TEX11: variants seen among roughly 807,000 people sequenced by gnomAD.
TEX11 encodes testis expressed 11.
In TEX11, 7 loss-of-function variants were observed where a neutral mutation model predicts 84.4. The observed-to-expected ratio is 0.08, with a 90% CI of 0.05 to 0.16. The LOEUF (loss-of-function observed/expected upper bound fraction) is 0.16, where lower values mean the gene tolerates loss of function less well. Among genes scored for constraint, TEX11 ranks in the 10% least tolerant of loss-of-function variants. TEX11 has a pLI of 1.00. For missense variants in TEX11, 551 were observed against 660.5 expected (o/e 0.83, Z 1.82); for synonymous variants, 264 against 222.8 (o/e 1.18, Z -1.64).
At chrX:70,889,296 A>T (rs1439718744) in intron 2 of TEX11, among the ~76,000 whole-genome samples, 1 of 109,862 alleles carries the variant, frequency 9.1e-6, no homozygotes, top group Non-Finnish European at 1.9e-5. Flanking sequence ...AGACATCTGT[A>T]ATCCCAGCTA....
chrX:70,842,118 C>G (rs1391077705), intron 7 of TEX11, among the ~76,000 whole-genome samples: 3 of 110,964 alleles, frequency 2.7e-5, no homozygotes, highest in East Asian at 2.8e-4. Flanking sequence ...GGAATCCTCC[C>G]TAACTCATTT....
In TEX11 at chrX:70,651,651, A is replaced by T. The variant is rs770882343; in HGVS notation, c.1381-99T>A. 4 of 534,593 alleles carry T rather than the reference A, an allele frequency of 7.5e-6. No homozygotes were observed. The South Asian group carries it at 1.5e-4, about 20-fold the overall frequency. 44.1% of individuals were successfully genotyped at this position (534,593 alleles called of 1,213,427 possible). On this transcript the variant is annotated intron_variant, in intron 16 of 29. Transcript: ENST00000374333. ...AAGGTAGTCAAAATGGCTGAGGGAT[A>T]CTCACAATGAAAATATATGAATCTA...
At chrX:70,696,813 T>A (rs1376592632) in intron 13 of TEX11, among the ~76,000 whole-genome samples, 1 of 111,420 alleles carries the variant, frequency 9.0e-6, no homozygotes, top group South Asian at 3.8e-4. Flanking sequence ...AACCCCAAAA[T>A]ACTCACTTAT....
At chrX:70,647,709 T>C (rs1050298765) in intron 17 of TEX11, among the ~76,000 whole-genome samples, 5 of 110,691 alleles carry the variant, frequency 4.5e-5, no homozygotes, top group Admixed American at 3.9e-4. Context: ...AATGTATATG[T>C]TAATTAGCTT....
chrX:70,734,140 C>G (rs1434153384), intron 11 of TEX11, among the ~76,000 whole-genome samples: 2 of 109,962 alleles, frequency 1.8e-5, no homozygotes, highest in Non-Finnish European at 3.8e-5. Context: ...AACATCACAA[C>G]CAGGGCCTGT....
Position 70,880,060 on chromosome X carries a change from C to G in TEX11, c.87G>C (p.Glu29Asp), listed in dbSNP as rs2147872761. Reference sequence around the variant, plus strand: ...TGTCGCTGAAGAGTCTATCAATTGCCTCTGGTATGTTAGGTGAATTATCAT... The same window carrying G: ...TGTCGCTGAAGAGTCTATCAATTGCGTCTGGTATGTTAGGTGAATTATCAT... ...VTNDNSPNIPEAIDRLFSDIA... is the reference protein window; with the variant it reads ...VTNDNSPNIPDAIDRLFSDIA... Residue 29 changes from glutamate to aspartate, a missense_variant, in exon 3 of 30, where the codon GAG becomes GAC. Physicochemically the swap from Glu to Asp is conservative, Grantham distance 45 (BLOSUM62 2). Transcript: ENST00000374333. 1 of 1,181,424 alleles carries G rather than the reference C, an allele frequency of 8.5e-7. No individual in the cohort carries two copies. The highest frequency in any genetic ancestry group is 1.9e-5 in the South Asian group (1 of 53,730).
intron 14 of TEX11, 42 bp downstream of exon 14, chrX:70,682,632 A>T (rs1603218236): frequency 8.5e-7 from 1 of 1,179,794 alleles, no homozygotes; most frequent in Non-Finnish European, 1.1e-6. Context: ...AATTATACAC[A>T]AATTAATACG....
chrX:70,555,744 ATCT>A (rs2088278226), intron 25 of TEX11, among the ~76,000 whole-genome samples: 1 of 112,119 alleles, frequency 8.9e-6, no homozygotes, highest in African/African-American at 3.2e-5. Context: ...TTGGTATTAC[ATCT>A]TCTTTAAATG....
chrX:70,870,328 C>T (rs2091623369), intron 4 of TEX11, among the ~76,000 whole-genome samples: 1 of 110,565 alleles, frequency 9.0e-6, no homozygotes, highest in Non-Finnish European at 1.9e-5. Flanking sequence ...TAATAAATAT[C>T]CTGTAGAATT....
intron 13 of TEX11, among the ~76,000 whole-genome samples, chrX:70,687,292 A>G (rs1271835669): frequency 8.9e-6 from 1 of 111,974 alleles, no homozygotes. Context: ...TGTAAAAATC[A>G]TAAACATAAT....
intron 25 of TEX11, among the ~76,000 whole-genome samples, chrX:70,565,767 C>T (rs2088461376): frequency 9.0e-6 from 1 of 111,085 alleles, no homozygotes; most frequent in Non-Finnish European, 1.9e-5. Flanking sequence ...ATCTATATCT[C>T]TGTTTTGGTA....
At chrX:70,603,400 A>T (rs2089154761) in intron 24 of TEX11, among the ~76,000 whole-genome samples, 1 of 102,991 alleles carries the variant, frequency 9.7e-6, no homozygotes, top group African/African-American at 3.5e-5. Flanking sequence ...ATAACGCCGC[A>T]TATCTACAAC....
rs180830781 is a variant in TEX11, at chrX:70,752,999, G to C, written c.693-8780C>G. Among the ~76,000 whole-genome samples, 10 of 110,285 alleles carry C rather than the reference G, an allele frequency of 9.1e-5. No individual in the cohort carries two copies. In the East Asian group the frequency reaches 2.9e-3, roughly 32 times the overall value. On this transcript the variant is annotated intron_variant, in intron 9 of 29. Coordinates refer to ENST00000374333, the MANE Select transcript of TEX11 (RefSeq NM_031276.3). ...TCTCAGCTGACGCCTGCCCGTGGAGGGGGTGTTTAAACCAGCCCGAGTCAG... is the reference window on the plus strand; with the variant it reads ...TCTCAGCTGACGCCTGCCCGTGGAGCGGGTGTTTAAACCAGCCCGAGTCAG...
chrX:70,808,107 C>CAAAAAA (rs549201546), intron 8 of TEX11, among the ~76,000 whole-genome samples: 53 of 32,612 alleles, frequency 1.6e-3, no homozygotes, highest in Admixed American at 2.0e-3. Context: ...GACTCTGTCT[C>CAAAAAA]AAAAAAAAAA....
At chrX:70,852,033 A>T (rs1275571517) in intron 7 of TEX11, among the ~76,000 whole-genome samples, 1 of 112,158 alleles carries the variant, frequency 8.9e-6, no homozygotes, top group Non-Finnish European at 1.9e-5. Flanking sequence ...GGTGACAAAC[A>T]TGTTTTAAAC....
Position 70,629,747 on chromosome X carries a change from G to A in TEX11, c.1484-12C>T. 2.7e-6 allele frequency: 3 copies of A among 1,111,299 alleles called. No individual in the cohort carries two copies. The highest frequency in any genetic ancestry group is 5.3e-5 in the Admixed American group (2 of 38,008). The allele number at this position is 1,111,299 out of a possible 1,213,427, so 91.6% of individuals were successfully genotyped here. A position where few individuals can be genotyped will look rare whatever the true frequency, so the allele number is the denominator to read the frequency against. On this transcript the variant is annotated splice_polypyrimidine_tract_variant and intron_variant, in intron 17 of 29. Coordinates refer to ENST00000374333, the MANE Select transcript of TEX11 (RefSeq NM_031276.3). ...TATTGCCTGCAAAGCTGAAAAACAAGAAAAAAATTCAAAAATGATATACTC... is the reference window on the plus strand; with the variant it reads ...TATTGCCTGCAAAGCTGAAAAACAAAAAAAAAATTCAAAAATGATATACTC...
At chrX:70,683,523 G>A (rs1417151422) in intron 13 of TEX11, among the ~76,000 whole-genome samples, 2 of 111,393 alleles carry the variant, frequency 1.8e-5, no homozygotes, top group African/African-American at 6.5e-5. Flanking sequence ...TAGCAAGGCT[G>A]AAGTGGGAGG....
intron 25 of TEX11, among the ~76,000 whole-genome samples, chrX:70,557,755 A>C (rs1199288957): frequency 4.5e-5 from 5 of 111,603 alleles, no homozygotes. Flanking sequence ...TTGATCTTGA[A>C]ACTCGTATGG....
chrX:70,561,661 C>T (rs1392068366), intron 25 of TEX11, among the ~76,000 whole-genome samples: 2 of 110,839 alleles, frequency 1.8e-5, no homozygotes, highest in East Asian at 5.6e-4. Context: ...GCTGAGATTA[C>T]AGGTGTGAGC....
Sources: allele counts gnomAD v4.1 joint callset (sites outside exome capture counted in the v4.1 genomes callset), GRCh38; gene constraint gnomAD v4.1.1; transcripts MANE v1.5; gene names NCBI Gene and HGNC (gene_info 2026-07-23, HGNC 2026-07-21).